NDUFAF2: variants seen among roughly 807,000 people sequenced by gnomAD.
The protein encoded by NDUFAF2 is NADH dehydrogenase [ubiquinone] 1 alpha subcomplex assembly factor 2.
NDUFAF2 carries 13 observed loss-of-function variants against 22.8 expected under a neutral mutation model. That is an observed-to-expected ratio of 0.57 (90% CI 0.37 to 0.91). NDUFAF2 has a LOEUF of 0.91. NDUFAF2 is among the 40% of genes least tolerant of loss of function. The pLI, the probability that NDUFAF2 is intolerant of heterozygous loss-of-function variation, is 0.01. For synonymous variants in NDUFAF2, 53 were observed against 64.2 expected, an observed-to-expected ratio of 0.83 and a Z score of 0.84; for missense variants, 162 against 195.2, an observed-to-expected ratio of 0.83 and a Z score of 1.01.
intron 1 of NDUFAF2, among the ~76,000 whole-genome samples, chr5:60,961,903 G>T (rs1159399748): frequency 6.6e-6 from 1 of 151,448 alleles, no homozygotes; most frequent in Non-Finnish European, 1.5e-5. Context: ...TGAGGTTACA[G>T]TTAACTATGA....
At chr5:61,102,513 A>G (rs1752715862) in intron 3 of NDUFAF2, among the ~76,000 whole-genome samples, 1 of 152,172 alleles carries the variant, frequency 6.6e-6, no homozygotes, top group Non-Finnish European at 1.5e-5. Flanking sequence ...ATACACAAAT[A>G]TTAATTTAAG....
At chr5:61,029,349 C>T (rs913164787) in intron 1 of NDUFAF2, among the ~76,000 whole-genome samples, 2 of 152,066 alleles carry the variant, frequency 1.3e-5, no homozygotes, top group Non-Finnish European at 1.5e-5. Context: ...TTGAATTACT[C>T]GTGCAATTGA....
intron 1 of NDUFAF2, among the ~76,000 whole-genome samples, chr5:60,980,026 C>G (rs2694529): frequency 0.99 from 151,440 of 152,304 alleles, 75,296 homozygotes; most frequent in East Asian, 1. Flanking sequence ...GGGAATTCTG[C>G]ATATTACCCA....
At chr5:61,019,811 C>T (rs1049029806) in intron 1 of NDUFAF2, among the ~76,000 whole-genome samples, 2 of 152,000 alleles carry the variant, frequency 1.3e-5, no homozygotes, top group African/African-American at 4.8e-5. Context: ...TTTTTGGTAT[C>T]AGATTATGTT....
rs4647035 is a variant in NDUFAF2 at position 60,945,465 on chromosome 5, A to G, written c.127+83A>G. The G allele has an allele frequency of 6.5e-3, 10,241 of 1,581,612 alleles. 42 individuals are homozygous for G. Among genetic ancestry groups the G allele is most frequent in the Non-Finnish European group, 7.8e-3 (9,040 of 1,151,798 alleles). ...AGGGAAAAGTGAGAGCCCCTAGTCA[A>G]CTAACGCATCATGCGACACTTAGGG... On this transcript the variant is annotated intron_variant, in intron 1 of 3. Coordinates refer to ENST00000296597, the MANE Select transcript of NDUFAF2 (RefSeq NM_174889.5).
At chr5:60,990,682 G>A (rs1382703587) in intron 1 of NDUFAF2, among the ~76,000 whole-genome samples, 2 of 152,040 alleles carry the variant, frequency 1.3e-5, no homozygotes, top group Admixed American at 1.3e-4. Flanking sequence ...AAAAGTCTAA[G>A]CATAATTTGT....
intron 1 of NDUFAF2, among the ~76,000 whole-genome samples, chr5:61,022,540 C>A (rs1164398348): frequency 1.3e-5 from 2 of 152,130 alleles, no homozygotes; most frequent in Non-Finnish European, 2.9e-5. Flanking sequence ...GAGACATCTA[C>A]CTTTAATTAT....
intron 2 of NDUFAF2, among the ~76,000 whole-genome samples, chr5:61,078,417 A>G (rs1752396242): frequency 6.6e-6 from 1 of 152,170 alleles, no homozygotes; most frequent in South Asian, 2.1e-4. Context: ...AAGACATGGA[A>G]CAGTAGACCA....
At chr5:61,110,405 T>C (rs1213384403) in intron 3 of NDUFAF2, among the ~76,000 whole-genome samples, 1 of 152,152 alleles carries the variant, frequency 6.6e-6, no homozygotes, top group Non-Finnish European at 1.5e-5. Flanking sequence ...AAGATTAATA[T>C]GAATTCTTCT....
In NDUFAF2 at chr5:61,079,567, A is replaced by G. The variant is rs1458789718; in HGVS notation, c.217+6353A>G. Among the ~76,000 whole-genome samples the G allele has an allele frequency of 3.9e-5, 6 of 152,384 alleles. No homozygotes were observed. In the East Asian group the frequency reaches 1.2e-3, roughly 29 times the overall value. ...GACGCAGAATCTCTGGACTTCCAGA[A>G]CAATTTGGTTGAACCTCCAGTACAC... is the stretch of plus-strand genomic sequence containing the variant. On this transcript the variant is annotated intron_variant, in intron 2 of 3. Transcript: ENST00000296597.
chr5:61,075,039 C>T (rs950918172), intron 2 of NDUFAF2, among the ~76,000 whole-genome samples: 2 of 152,092 alleles, frequency 1.3e-5, no homozygotes, highest in Non-Finnish European at 2.9e-5. Context: ...TAGTCACCTC[C>T]CTCCTTCGAC....
chr5:61,006,737 G>A (rs147864247), intron 1 of NDUFAF2, among the ~76,000 whole-genome samples: 48 of 152,116 alleles, frequency 3.2e-4, no homozygotes, highest in African/African-American at 9.6e-4. Context: ...AAAACATAGC[G>A]TATTGTTACC....
chr5:61,056,878 C>A (rs1323186452), intron 1 of NDUFAF2, among the ~76,000 whole-genome samples: 1 of 89,556 alleles, frequency 1.1e-5, no homozygotes, highest in Non-Finnish European at 1.9e-5. Flanking sequence ...AACAGAACGA[C>A]ACTCTGTCTC....
At chr5:61,013,443 A>T (rs149409169) in intron 1 of NDUFAF2, among the ~76,000 whole-genome samples, 257 of 152,210 alleles carry the variant, frequency 1.7e-3, no homozygotes, top group African/African-American at 5.9e-3. Context: ...TTTCTGTGTT[A>T]TATTGATTTA....
At chr5:61,067,264 T>C (rs1293251991) in intron 1 of NDUFAF2, among the ~76,000 whole-genome samples, 3 of 151,776 alleles carry the variant, frequency 2.0e-5, no homozygotes, top group Non-Finnish European at 2.9e-5. Context: ...ACCCATTAAC[T>C]CGTCATTTAG....
chr5:60,948,086 CAT>C (rs1185662995), intron 1 of NDUFAF2, among the ~76,000 whole-genome samples: 1 of 152,132 alleles, frequency 6.6e-6, no homozygotes, highest in Non-Finnish European at 1.5e-5. Flanking sequence ...AGAAAATTAA[CAT>C]ATTCAATATC....
intron 1 of NDUFAF2, among the ~76,000 whole-genome samples, chr5:61,056,875 C>T (rs1280633524): frequency 3.2e-5 from 3 of 94,608 alleles, no homozygotes; most frequent in South Asian, 3.9e-4. Flanking sequence ...GGCAACAGAA[C>T]GACACTCTGT....
chr5:61,122,478 T>C (rs1270553687), intron 3 of NDUFAF2, among the ~76,000 whole-genome samples: 2 of 152,172 alleles, frequency 1.3e-5, no homozygotes, highest in African/African-American at 4.8e-5. Flanking sequence ...TATACAGAAA[T>C]AATTCTGAAC....
At chr5:61,079,582 C>T (rs1023014102) in intron 2 of NDUFAF2, among the ~76,000 whole-genome samples, 2 of 152,188 alleles carry the variant, frequency 1.3e-5, no homozygotes, top group African/African-American at 4.8e-5. Flanking sequence ...TTGGTTGAAC[C>T]TCCAGTACAC....
Sources: allele counts gnomAD v4.1 joint callset (sites outside exome capture counted in the v4.1 genomes callset), GRCh38; gene constraint gnomAD v4.1.1; transcripts MANE v1.5; gene names NCBI Gene and HGNC (gene_info 2026-07-23, HGNC 2026-07-21).